Variants in CAMK2D observed in about 807,000 individuals in gnomAD.
CAMK2D encodes the protein calcium/calmodulin-dependent protein kinase type II subunit delta.
CAMK2D carries 37 observed loss-of-function variants against 84.0 expected under a neutral mutation model. The observed-to-expected ratio is 0.44, with a 90% confidence interval of 0.34 to 0.58. The LOEUF (loss-of-function observed/expected upper bound fraction) is 0.58. Ranked by LOEUF, CAMK2D falls within the 20% of genes least tolerant of loss-of-function variation. CAMK2D has a pLI of 0.02. For missense variants in CAMK2D, 448 were observed against 652.5 expected (o/e 0.69, Z 3.41); for synonymous variants, 202 against 212.5 (o/e 0.95, Z 0.43).
At chr4:113,600,088 A>C (rs142441060) in intron 4 of CAMK2D, among the ~76,000 whole-genome samples, 64 of 152,332 alleles carry the variant, frequency 4.2e-4, no homozygotes, top group Non-Finnish European at 7.6e-4. Context: ...GGAAAAGGTA[A>C]AGCTATGGAG....
chr4:113,643,475 C>T (rs904756679), intron 3 of CAMK2D, among the ~76,000 whole-genome samples: 3 of 152,214 alleles, frequency 2.0e-5, no homozygotes, highest in African/African-American at 4.8e-5. Flanking sequence ...AGTCAAAAAA[C>T]AAGAGCTAAG....
intron 2 of CAMK2D, among the ~76,000 whole-genome samples, chr4:113,687,136 G>A (rs2099362341): frequency 6.6e-6 from 1 of 152,006 alleles, no homozygotes; most frequent in African/African-American, 2.4e-5. Context: ...TCTGAGTATG[G>A]AAAATTATTA....
chr4:113,706,078 T>G (rs552977236), intron 2 of CAMK2D, among the ~76,000 whole-genome samples: 1 of 152,328 alleles, frequency 6.6e-6, no homozygotes, highest in South Asian at 2.1e-4. Flanking sequence ...TAAGAAATTT[T>G]GAAGTGCTTT....
chr4:113,731,746 C>A (rs985077896), intron 2 of CAMK2D, among the ~76,000 whole-genome samples: 3 of 151,960 alleles, frequency 2.0e-5, no homozygotes, highest in Non-Finnish European at 4.4e-5. Context: ...CCACTATGCC[C>A]GGTTAATTCT....
At chr4:113,749,951 T>C (rs1173957476) in intron 2 of CAMK2D, among the ~76,000 whole-genome samples, 1 of 152,260 alleles carries the variant, frequency 6.6e-6, no homozygotes, top group Non-Finnish European at 1.5e-5. Context: ...TTGAAGCATG[T>C]CTATTTCAAG....
At chr4:113,654,228 T>C (rs904461024) in intron 3 of CAMK2D, among the ~76,000 whole-genome samples, 8 of 152,016 alleles carry the variant, frequency 5.3e-5, no homozygotes, top group African/African-American at 1.9e-4. Context: ...CTAAGAGCTC[T>C]TCCAGTTTTA....
At chr4:113,476,390 G>A (rs573386249) in intron 16 of CAMK2D, among the ~76,000 whole-genome samples, 6 of 152,044 alleles carry the variant, frequency 3.9e-5, no homozygotes, top group East Asian at 1.9e-4. Context: ...CAAAAATTAC[G>A]ACAACGAGAT....
At chr4:113,522,582 C>T (rs79354545) in intron 8 of CAMK2D, among the ~76,000 whole-genome samples, 7,216 of 152,188 alleles carry the variant, frequency 0.047, 247 homozygotes, top group Middle Eastern at 0.075. Flanking sequence ...AACTGACAGG[C>T]CTTTTGGCAG....
chr4:113,677,040 C>T (rs1457650110), intron 2 of CAMK2D, among the ~76,000 whole-genome samples: 2 of 152,184 alleles, frequency 1.3e-5, no homozygotes, highest in Admixed American at 6.6e-5. Flanking sequence ...AGCCTCACTC[C>T]CCTACACTAT....
rs115276199 is a variant in CAMK2D at position 113,582,304 on chromosome 4, A to G, written c.275+26848T>C. Among the ~76,000 whole-genome samples, 705 of 152,294 alleles carry G rather than the reference A, an allele frequency of 4.6e-3. 11 individuals are homozygous for G. The highest frequency in any genetic ancestry group is 0.016 in the African/African-American group (682 of 41,560). On this transcript the variant is annotated intron_variant, in intron 4 of 20. Coordinates refer to ENST00000511664, the MANE Select transcript of CAMK2D (RefSeq NM_001321571.2). ...GGAAGGAAATTTATATATAAACCAT[A>G]AGACAAATAAAAGCATTTAAATCTA... is the stretch of plus-strand genomic sequence containing the variant.
At chr4:113,527,966 G>A (rs2098433223) in intron 8 of CAMK2D, among the ~76,000 whole-genome samples, 1 of 151,940 alleles carries the variant, frequency 6.6e-6, no homozygotes, top group African/African-American at 2.4e-5. Flanking sequence ...TAAATTCTTT[G>A]GCAGAGTAAA....
chr4:113,666,078 A>G, intron 2 of CAMK2D, among the ~76,000 whole-genome samples: 1 of 152,220 alleles, frequency 6.6e-6, no homozygotes, highest in East Asian at 1.9e-4. Flanking sequence ...CCTGTTCCAA[A>G]TCAAATTTTA....
chr4:113,696,987 A>T (rs2099404857), intron 2 of CAMK2D, among the ~76,000 whole-genome samples: 1 of 152,122 alleles, frequency 6.6e-6, no homozygotes, highest in Non-Finnish European at 1.5e-5. Context: ...ATAAGAACTA[A>T]CACTTGGATA....
chr4:113,754,681 CT>C (rs201377983), intron 2 of CAMK2D: 124,464 of 752,102 alleles, frequency 0.17, 5,545 homozygotes, highest in Middle Eastern at 0.22. Flanking sequence ...TGTGGATATA[CT>C]TTTTTTTTTT....
intron 16 of CAMK2D, among the ~76,000 whole-genome samples, chr4:113,480,318 G>A (rs1352828731): frequency 6.6e-6 from 1 of 152,016 alleles, no homozygotes; most frequent in Non-Finnish European, 1.5e-5. Flanking sequence ...GTTTACATGA[G>A]CAGTCAGAAT....
chr4:113,730,524 G>A (rs1240820965), intron 2 of CAMK2D, among the ~76,000 whole-genome samples: 1 of 152,148 alleles, frequency 6.6e-6, no homozygotes, highest in Non-Finnish European at 1.5e-5. Context: ...CTACCAAACT[G>A]CAATGTACAC....
At chr4:113,620,671 C>T (rs1277904181) in intron 3 of CAMK2D, among the ~76,000 whole-genome samples, 1 of 151,896 alleles carries the variant, frequency 6.6e-6, no homozygotes, top group Non-Finnish European at 1.5e-5. Flanking sequence ...ACATGCCCAG[C>T]TAATTTTTGT....
chr4:113,610,500 C>T, intron 3 of CAMK2D, among the ~76,000 whole-genome samples: 1 of 152,200 alleles, frequency 6.6e-6, no homozygotes, highest in South Asian at 2.1e-4. Flanking sequence ...ATTCAATGCC[C>T]AGGCTCATAG....
At chr4:113,558,535 G>A (rs930304601) in intron 4 of CAMK2D, among the ~76,000 whole-genome samples, 1 of 148,524 alleles carries the variant, frequency 6.7e-6, no homozygotes, top group Admixed American at 6.6e-5. Context: ...ATAGGTTATA[G>A]GCAAATACAG....
Sources: allele counts gnomAD v4.1 joint callset (sites outside exome capture counted in the v4.1 genomes callset), GRCh38; gene constraint gnomAD v4.1.1; transcripts MANE v1.5; gene names NCBI Gene and HGNC (gene_info 2026-07-23, HGNC 2026-07-21).